The following MDGA2 variants were observed in gnomAD, a reference collection of about 807,000 sequenced individuals.
The protein encoded by MDGA2 is MAM domain-containing glycosylphosphatidylinositol anchor protein 2.
A neutral mutation model predicts 117.8 loss-of-function variants in MDGA2; 40 were observed. That is an observed-to-expected ratio of 0.34 (90% CI 0.26 to 0.44). The LOEUF is 0.44. Among genes scored for constraint, MDGA2 ranks in the 20% least tolerant of loss-of-function variants. The pLI is 1.00. For synonymous variants in MDGA2, 452 were observed against 439.0 expected (o/e 1.03, Z -0.37); for missense variants, 1,123 against 1,250.6 (o/e 0.90, Z 1.54).
intron 10 of MDGA2, among the ~76,000 whole-genome samples, chr14:46,912,885 T>C (rs1883759365): frequency 1.3e-5 from 2 of 152,152 alleles, no homozygotes; most frequent in South Asian, 4.1e-4. Context: ...GAAGCAGATA[T>C]ATGCAATGTC....
At chr14:46,902,420 G>C (rs752928146) in intron 10 of MDGA2, among the ~76,000 whole-genome samples, 1 of 151,886 alleles carries the variant, frequency 6.6e-6, no homozygotes, top group Admixed American at 6.6e-5. Flanking sequence ...TATACAGTAG[G>C]TACTTTTTTT....
chr14:47,563,763 T>A (rs1274231077), intron 1 of MDGA2, among the ~76,000 whole-genome samples: 1 of 152,008 alleles, frequency 6.6e-6, no homozygotes, highest in Non-Finnish European at 1.5e-5. Context: ...AAATTAAAAG[T>A]TAATATCGAT....
intron 14 of MDGA2, among the ~76,000 whole-genome samples, chr14:46,862,495 T>C (rs1265053638): frequency 6.7e-6 from 1 of 150,176 alleles, no homozygotes; most frequent in Admixed American, 6.7e-5. Context: ...CTTAACATAA[T>C]TTTACTTTTA....
chr14:47,523,831 C>T (rs1343839176), intron 1 of MDGA2, among the ~76,000 whole-genome samples: 2 of 152,166 alleles, frequency 1.3e-5, no homozygotes, highest in African/African-American at 4.8e-5. Context: ...CTTAGTTTGT[C>T]ACTGAAACGA....
chr14:47,591,674 A>G (rs1472547786), intron 1 of MDGA2, among the ~76,000 whole-genome samples: 3 of 152,114 alleles, frequency 2.0e-5, no homozygotes, highest in Admixed American at 6.6e-5. Flanking sequence ...CATCACATAA[A>G]CAAAACTAAA....
At chr14:47,271,511 G>A (rs1383625390) in intron 2 of MDGA2, among the ~76,000 whole-genome samples, 1 of 152,074 alleles carries the variant, frequency 6.6e-6, no homozygotes, top group African/African-American at 2.4e-5. Context: ...TAGAACCCTG[G>A]GAAAAACAGA....
intron 8 of MDGA2, among the ~76,000 whole-genome samples, chr14:46,959,312 C>CAT (rs147514373): frequency 0.13 from 17,583 of 130,350 alleles, 2,087 homozygotes; most frequent in African/African-American, 0.29. Flanking sequence ...TGGATACATA[C>CAT]ATATATATAT....
intron 2 of MDGA2, among the ~76,000 whole-genome samples, chr14:47,279,688 T>C (rs76910509): frequency 0.029 from 4,376 of 152,134 alleles, 151 homozygotes; most frequent in East Asian, 0.18. Context: ...CTCTAGTATT[T>C]TCATTCCTTT....
chr14:47,269,649 G>A (rs1888082311), intron 2 of MDGA2, among the ~76,000 whole-genome samples: 1 of 152,086 alleles, frequency 6.6e-6, no homozygotes, highest in Non-Finnish European at 1.5e-5. Flanking sequence ...TAAAGTATAT[G>A]ACAGACTCTA....
chr14:47,290,911 G>A (rs1235806159), intron 2 of MDGA2, among the ~76,000 whole-genome samples: 1 of 152,044 alleles, frequency 6.6e-6, no homozygotes, highest in African/African-American at 2.4e-5. Context: ...AGAACTCCCT[G>A]ACCAAGGGAC....
intron 1 of MDGA2, among the ~76,000 whole-genome samples, chr14:47,470,825 G>A (rs1893709457): frequency 6.6e-6 from 1 of 152,076 alleles, no homozygotes; most frequent in African/African-American, 2.4e-5. Flanking sequence ...TATTTCCAGT[G>A]GCCAAATTGT....
At chr14:47,094,548 T>C (rs919508340) in intron 6 of MDGA2, among the ~76,000 whole-genome samples, 1 of 152,024 alleles carries the variant, frequency 6.6e-6, no homozygotes, top group Non-Finnish European at 1.5e-5. Flanking sequence ...GATCCCATTA[T>C]GAAAATTAAA....
intron 1 of MDGA2, among the ~76,000 whole-genome samples, chr14:47,550,958 T>C (rs1229348455): frequency 6.6e-6 from 1 of 152,188 alleles, no homozygotes; most frequent in Non-Finnish European, 1.5e-5. Flanking sequence ...CAGGCTGAAT[T>C]GATCTCTATG....
chr14:46,930,331 T>C (rs1361035625), intron 9 of MDGA2, among the ~76,000 whole-genome samples: 1 of 152,294 alleles, frequency 6.6e-6, no homozygotes, highest in East Asian at 1.9e-4. Context: ...AGATTTAAGA[T>C]GTCATCAGCA....
chr14:47,522,970 G>A (rs1469044361), intron 1 of MDGA2, among the ~76,000 whole-genome samples: 2 of 152,066 alleles, frequency 1.3e-5, no homozygotes, highest in Non-Finnish European at 2.9e-5. Flanking sequence ...ATTCAAGAAC[G>A]TTATTCAATC....
chr14:47,560,498 G>A (rs1011778456), intron 1 of MDGA2, among the ~76,000 whole-genome samples: 1 of 152,138 alleles, frequency 6.6e-6, no homozygotes, highest in Non-Finnish European at 1.5e-5. Flanking sequence ...TCATGTTTAT[G>A]TCTTCTTTTG....
At chr14:47,198,251 C>G (rs1437553521) in intron 3 of MDGA2, among the ~76,000 whole-genome samples, 1 of 152,042 alleles carries the variant, frequency 6.6e-6, no homozygotes, top group Non-Finnish European at 1.5e-5. Context: ...TAAACTTTGG[C>G]TAGTGATATC....
intron 8 of MDGA2, among the ~76,000 whole-genome samples, chr14:47,009,476 C>T (rs2153751): frequency 0.36 from 54,182 of 151,822 alleles, 10,678 homozygotes; most frequent in East Asian, 0.58. Flanking sequence ...CCCTCTGGTT[C>T]CCAATTATTA....
At position 46,957,510 on chromosome 14, in the gene MDGA2, T is replaced by C. The variant is rs1482487920; in HGVS notation, c.1953A>G (p.Leu651=). 6.2e-7 allele frequency: 1 copy of C among 1,614,130 alleles called. No homozygotes were observed. The highest frequency in any genetic ancestry group is 8.5e-7 in the Non-Finnish European group (1 of 1,180,012). Residue 651 remains leucine, a synonymous_variant, in exon 9 of 17, where the codon TTA becomes TTG. Transcript: ENST00000399232. ...LTYEWRLGNK[L]LRTGQFDSQE... ...GAGAGTCAAATTGACCCGTCCGTAA[T>C]AATTTATTGCCCAAGCGCCACTCAT...
Sources: gnomAD v4.1 joint callset for allele counts (sites outside exome capture counted in the v4.1 genomes callset) on GRCh38, gnomAD v4.1.1 for gene constraint, MANE v1.5 for transcripts, NCBI Gene and HGNC (gene_info 2026-07-23, HGNC 2026-07-21) for gene names.